The following NAP1L1 variants were observed in gnomAD, a reference collection of about 807,000 sequenced individuals.
NAP1L1 encodes the protein nucleosome assembly protein 1-like 1.
NAP1L1 carries 9 observed loss-of-function variants against 58.9 expected under a neutral mutation model. That is an observed-to-expected ratio of 0.15 (90% CI 0.09 to 0.27). The LOEUF (loss-of-function observed/expected upper bound fraction) is 0.27, where lower values mean the gene tolerates loss of function less well. Ranked by LOEUF, NAP1L1 falls within the 10% of genes least tolerant of loss-of-function variation. NAP1L1 has a pLI of 1.00. For synonymous variants in NAP1L1, 130 were observed against 138.3 expected (o/e 0.94, Z 0.42); for missense variants, 302 against 458.8 (o/e 0.66, Z 3.12).
At chr12:76,083,603 A>C (rs1280032898) in intron 1 of NAP1L1, among the ~76,000 whole-genome samples, 3 of 152,294 alleles carry the variant, frequency 2.0e-5, no homozygotes, top group Admixed American at 6.5e-5. Flanking sequence ...CCAAATAAAA[A>C]ACCCTGATCA....
intron 4 of NAP1L1, among the ~76,000 whole-genome samples, chr12:76,063,575 AT>A (rs1949515376): frequency 6.6e-6 from 1 of 152,218 alleles, no homozygotes; most frequent in South Asian, 2.1e-4. Flanking sequence ...AGGCAGGTGA[AT>A]CACTTTAACT....
chr12:76,052,390 C>T (rs974502896), intron 11 of NAP1L1, among the ~76,000 whole-genome samples: 12 of 152,128 alleles, frequency 7.9e-5, no homozygotes, highest in African/African-American at 2.9e-4. Flanking sequence ...TTTATGTTCT[C>T]TTTTTTTGTC....
intron 1 of NAP1L1, among the ~76,000 whole-genome samples, chr12:76,076,162 T>A (rs997355354): frequency 1.3e-5 from 2 of 152,200 alleles, no homozygotes; most frequent in Non-Finnish European, 2.9e-5. Flanking sequence ...CCTTTGGCTC[T>A]CATTTCAAAG....
chr12:76,082,030 C>G (rs1293701998), intron 1 of NAP1L1, among the ~76,000 whole-genome samples: 1 of 152,016 alleles, frequency 6.6e-6, no homozygotes, highest in Non-Finnish European at 1.5e-5. Flanking sequence ...AGATAGTTAC[C>G]CAAAGACTAA....
chr12:76,079,655 T>A (rs1168112100), intron 1 of NAP1L1, among the ~76,000 whole-genome samples: 1 of 150,960 alleles, frequency 6.6e-6, no homozygotes, highest in Admixed American at 6.6e-5. Flanking sequence ...TCAAAAGACA[T>A]AACTGACCCT....
In NAP1L1 at chr12:76,068,998, T is replaced by C. The variant is rs1308815898; in HGVS notation, c.18-4A>G. The C allele has an allele frequency of 4.4e-6, 7 of 1,603,514 alleles. No homozygotes were observed. The Admixed American group carries it at 5.1e-5, about 12-fold the overall frequency. ...ATCAAGTTCAGACTGTTCTTTGCTA[T>C]AATATCATAGTATCACACCAAGGTT... On this transcript the variant is annotated splice_polypyrimidine_tract_variant and splice_region_variant and intron_variant, in intron 2 of 14. Transcript: ENST00000618691.
Position 76,040,560 on chromosome 12 carries a change from G to C in NAP1L1, c.*7869C>G, listed in dbSNP as rs1948542324. Reference sequence around the variant, plus strand: ...ACAGACAGTTTCATTCTGTTGCTCAGGTTGGAGTGCAGTGGCACTATCTCG... The same window carrying C: ...ACAGACAGTTTCATTCTGTTGCTCACGTTGGAGTGCAGTGGCACTATCTCG... On this transcript the variant is annotated 3_prime_UTR_variant, in exon 15 of 15. Coordinates refer to ENST00000618691, the MANE Select transcript of NAP1L1 (RefSeq NM_004537.7). 6.6e-6 allele frequency: 1 copy of C among 152,096 alleles called. No individual in the cohort carries two copies. Among genetic ancestry groups the C allele is most frequent in the Non-Finnish European group, 1.5e-5 (1 of 68,148 alleles). 9.4% of individuals were successfully genotyped at this position (152,096 alleles called of 1,614,324 possible). A position where few individuals can be genotyped will look rare whatever the true frequency, so the allele number is the denominator to read the frequency against.
At chr12:76,052,996 A>G (rs1948912167) in intron 11 of NAP1L1, 95 bp downstream of exon 11, 1 of 1,224,846 alleles carries the variant, frequency 8.2e-7, no homozygotes, top group Non-Finnish European at 1.2e-6. Context: ...CTCAGAACTC[A>G]ATGTAACAAC....
intron 5 of NAP1L1, 22 bp from the exon 6 acceptor site, chr12:76,059,900 A>AGGCTG: frequency 6.5e-7 from 1 of 1,532,522 alleles, no homozygotes; most frequent in Non-Finnish European, 8.9e-7. Context: ...TAAAAAAAAA[A>AGGCTG]GGCTGTATAA....
chr12:76,059,837 T>C lies in NAP1L1; in HGVS notation c.390A>G (p.Glu130=), dbSNP rs530020044. The C allele has an allele frequency of 5.2e-4, 827 of 1,603,830 alleles. 12 individuals carry two copies. The South Asian group carries it at 9.0e-3, about 17-fold the overall frequency. Reference sequence around the variant, plus strand: ...CTTCATCTGGTTTCCATTCACATTCTTCTTCCGTAGGTTCATAAATTGCAT... The same window carrying C: ...CTTCATCTGGTTTCCATTCACATTCCTCTTCCGTAGGTTCATAAATTGCAT... ...IINAIYEPTE[E]ECEWKPDEED... Residue 130 remains glutamate, a synonymous_variant, in exon 6 of 15, where the codon GAA becomes GAG. Coordinates refer to ENST00000618691, the MANE Select transcript of NAP1L1 (RefSeq NM_004537.7).
chr12:76,078,996 C>G (rs7305477), intron 1 of NAP1L1, among the ~76,000 whole-genome samples: 3 of 146,492 alleles, frequency 2.0e-5, no homozygotes, highest in African/African-American at 7.6e-5. Flanking sequence ...TATATATATA[C>G]ACACACACAC....
chr12:76,054,758 C>A (rs984241893), intron 8 of NAP1L1, among the ~76,000 whole-genome samples: 7 of 152,140 alleles, frequency 4.6e-5, no homozygotes, highest in East Asian at 1.9e-4. Flanking sequence ...CCTTTTAATG[C>A]AGAAAAAGTA....
chr12:76,078,003 G>GAAAAAAAAAAA (rs1565749743), intron 1 of NAP1L1, among the ~76,000 whole-genome samples: 1 of 135,954 alleles, frequency 7.4e-6, no homozygotes. Context: ...AAAAAAAAAG[G>GAAAAAAAAAAA]AAAAGAATTA....
intron 3 of NAP1L1, 37 bp from the exon 4 acceptor site, chr12:76,067,510 T>C: frequency 6.6e-7 from 1 of 1,509,310 alleles, no homozygotes; most frequent in Non-Finnish European, 9.1e-7. Flanking sequence ...AAGGATTTTA[T>C]GAAAATGTAT....
At position 76,037,548 on chromosome 12, in the gene NAP1L1, CTCCAATTGTATACATTCCAAT is replaced by C. The variant is rs1480129702; in HGVS notation, c.*10860_*10880del. 1 of 152,204 alleles carries C rather than the reference CTCCAATTGTATACATTCCAAT, an allele frequency of 6.6e-6. No homozygotes were observed. The highest frequency in any genetic ancestry group is 2.4e-5 in the African/African-American group (1 of 41,416). 9.4% of individuals were successfully genotyped at this position (152,204 alleles called of 1,614,324 possible). On this transcript the variant is annotated 3_prime_UTR_variant, in exon 15 of 15. Transcript: ENST00000618691. ...AACATGACAGAAAACTTCTATTCGCCTCCAATTGTATACATTCCAATTCCTTACCCTTGCATGACAAGCCCT... is the reference window on the plus strand; with the variant it reads ...AACATGACAGAAAACTTCTATTCGCCTCCTTACCCTTGCATGACAAGCCCT...
chr12:76,055,099 TA>T lies in NAP1L1; in HGVS notation c.559-10del. On this transcript the variant is annotated splice_polypyrimidine_tract_variant and intron_variant, in intron 7 of 14. Transcript: ENST00000618691. Reference sequence around the variant, plus strand: ...ATAGGTTCATCGTGTTCCTTCAAATTAAAAAAATAATAAAAATGAATAACAT... The same window carrying T: ...ATAGGTTCATCGTGTTCCTTCAAATTAAAAAATAATAAAAATGAATAACAT... 2 of 1,571,428 alleles carry T rather than the reference TA, an allele frequency of 1.3e-6. No homozygotes were observed.
intron 4 of NAP1L1, among the ~76,000 whole-genome samples, chr12:76,060,640 G>A (rs1949365318): frequency 6.6e-6 from 1 of 152,052 alleles, no homozygotes; most frequent in African/African-American, 2.4e-5. Context: ...ACCCATACAA[G>A]TTATTAGGAA....
Position 76,039,830 on chromosome 12 carries a change from A to T in NAP1L1, c.*8599T>A, listed in dbSNP as rs1230983563. ...TTTTTATTATCTTAATGTTAAACGA[A>T]CACTTAGTTCTCCCCAAATTGCTGA... On this transcript the variant is annotated 3_prime_UTR_variant, in exon 15 of 15. Coordinates refer to ENST00000618691, the MANE Select transcript of NAP1L1 (RefSeq NM_004537.7). 6.6e-6 allele frequency: 1 copy of T among 152,234 alleles called. No homozygotes were observed. The highest frequency in any genetic ancestry group is 1.9e-4 in the East Asian group (1 of 5,202). 9.4% of individuals were successfully genotyped at this position (152,234 alleles called of 1,614,324 possible).
chr12:76,082,791 TATTC>T (rs1186090882), intron 1 of NAP1L1, among the ~76,000 whole-genome samples: 1 of 152,224 alleles, frequency 6.6e-6, no homozygotes, highest in Admixed American at 6.5e-5. Context: ...GTTTTTCCCT[TATTC>T]AATCAAAGGT....
Sources: gnomAD v4.1 joint callset for allele counts (sites outside exome capture counted in the v4.1 genomes callset) on GRCh38, gnomAD v4.1.1 for gene constraint, MANE v1.5 for transcripts, NCBI Gene and HGNC (gene_info 2026-07-23, HGNC 2026-07-21) for gene names.